Variants in CELF2 observed in about 807,000 individuals in gnomAD.
CELF2 encodes CUG triplet repeat RNA-binding protein 2.
CELF2 carries 8 observed loss-of-function variants against 62.6 expected under a neutral mutation model. That is an observed-to-expected ratio of 0.13 (90% CI 0.07 to 0.23). CELF2 has a LOEUF of 0.23. Among genes scored for constraint, CELF2 ranks in the 10% least tolerant of loss-of-function variants. The probability of loss-of-function intolerance (pLI) is 1.00; values close to 1 mark genes in which losing one functional copy is unlikely to be tolerated. For missense variants in CELF2, 333 were observed against 671.0 expected (o/e 0.50, Z 5.56); for synonymous variants, 258 against 250.0 (o/e 1.03, Z -0.30).
the CELF2 span, among the ~76,000 whole-genome samples, chr10:10,653,283 C>G: frequency 3.3e-5 from 5 of 151,294 alleles, no homozygotes; most frequent in African/African-American, 1.2e-4. Context: ...CTTTAACACC[C>G]CACTGTCAAC....
chr10:10,656,787 G>T, the CELF2 span, among the ~76,000 whole-genome samples: 1 of 141,620 alleles, frequency 7.1e-6, no homozygotes, highest in Non-Finnish European at 1.5e-5. Context: ...CGAGTTAGTG[G>T]GTGCAGCGCA....
chr10:11,232,343 T>C (rs1256508277), intron 3 of CELF2, among the ~76,000 whole-genome samples: 1 of 152,220 alleles, frequency 6.6e-6, no homozygotes, highest in Non-Finnish European at 1.5e-5. Context: ...TGACACATTT[T>C]TGGAGACTCA....
At chr10:11,033,839 A>G (rs1205547295) in intron 1 of CELF2, among the ~76,000 whole-genome samples, 1 of 152,242 alleles carries the variant, frequency 6.6e-6, no homozygotes, top group Non-Finnish European at 1.5e-5. Flanking sequence ...AAGTTGGACA[A>G]CTGAGGAGTT....
intron 1 of CELF2, among the ~76,000 whole-genome samples, chr10:10,881,322 A>G (rs1681069304): frequency 6.6e-6 from 1 of 152,196 alleles, no homozygotes; most frequent in African/African-American, 2.4e-5. Context: ...TAAAATCTGA[A>G]AGCCATCTGG....
chr10:10,703,060 C>T, the CELF2 span, among the ~76,000 whole-genome samples: 21 of 152,316 alleles, frequency 1.4e-4, no homozygotes, highest in East Asian at 3.9e-3. Context: ...CCGCTACCTC[C>T]TCCAGAACCA....
the CELF2 span, among the ~76,000 whole-genome samples, chr10:10,614,968 G>A: frequency 1.3e-5 from 2 of 152,018 alleles, no homozygotes; most frequent in African/African-American, 2.4e-5. Flanking sequence ...TCGACGAAGA[G>A]GCAAGCTCTG....
rs749735937 is a variant in CELF2, at chr10:11,005,453, G to C, written c.53+13G>C. 3.1e-6 allele frequency: 5 copies of C among 1,613,888 alleles called. No individual in the cohort carries two copies. The highest frequency in any genetic ancestry group is 3.3e-4 in the Middle Eastern group (2 of 6,060). The stretch of plus-strand genomic sequence containing the variant: ...AGCTGCTTTTAAGGTATGTTGTTGT[G>C]TCCTTTGTTTTTAATGCACGCTTTT... On this transcript the variant is annotated intron_variant, in intron 1 of 12. Coordinates refer to the CELF2 transcript ENST00000416382. The surrounding 1 kb of genome is among the most constrained non-coding windows in gnomAD (Gnocchi z 4.3).
chr10:10,754,218 C>G, the CELF2 span, among the ~76,000 whole-genome samples: 1 of 151,694 alleles, frequency 6.6e-6, no homozygotes, highest in Admixed American at 6.6e-5. Context: ...AATCACAGCT[C>G]ACTGCAGCCT....
the CELF2 span, among the ~76,000 whole-genome samples, chr10:10,614,869 C>A: frequency 6.6e-6 from 1 of 151,982 alleles, no homozygotes; most frequent in African/African-American, 2.4e-5. Flanking sequence ...GAAACAGACA[C>A]AGGAAAGAGC....
intron 1 of CELF2, among the ~76,000 whole-genome samples, chr10:11,084,248 C>G (rs1043441440): frequency 6.6e-6 from 1 of 152,188 alleles, no homozygotes; most frequent in African/African-American, 2.4e-5. Flanking sequence ...GTGGTGGAAA[C>G]AAACGCAAGT....
At chr10:10,611,245 T>C in the CELF2 span, among the ~76,000 whole-genome samples, 1 of 151,986 alleles carries the variant, frequency 6.6e-6, no homozygotes. Context: ...GCAGGTAAGC[T>C]CCTCTAAGAG....
At chr10:11,063,853 C>T (rs999761362) in intron 1 of CELF2, among the ~76,000 whole-genome samples, 1 of 152,182 alleles carries the variant, frequency 6.6e-6, no homozygotes, top group African/African-American at 2.4e-5. Context: ...AAGTTGGACT[C>T]TCTAAAAGGT....
chr10:10,575,324 A>T, the CELF2 span, among the ~76,000 whole-genome samples: 52 of 152,320 alleles, frequency 3.4e-4, no homozygotes, highest in African/African-American at 1.2e-3. Flanking sequence ...CATGCTTTGC[A>T]TTTAGGTTAT....
intron 1 of CELF2, among the ~76,000 whole-genome samples, chr10:11,118,867 G>C (rs191745074): frequency 4.6e-5 from 7 of 152,306 alleles, no homozygotes; most frequent in African/African-American, 1.7e-4. Flanking sequence ...TTTTGGTCCT[G>C]ACCGATGACT....
rs1415361089 is a variant in CELF2, at chr10:11,242,739, G to C, written c.355-6414G>C. On this transcript the variant is annotated intron_variant, in intron 3 of 12. Transcript: ENST00000633077. This position sits in a 1 kb window ranked among gnomAD's most constrained non-coding sequence, Gnocchi z 4.8. ...TGAGGGGCATCAGGTCCAGTCACAG[G>C]CCAGCCAGGGTGAGGACCAGGGTGG... 6.6e-6 allele frequency among the ~76,000 whole-genome samples: 1 copy of C among 152,214 alleles called. No homozygotes were observed. The highest frequency in any genetic ancestry group is 1.5e-5 in the Non-Finnish European group (1 of 68,032).
chr10:11,049,954 A>G lies in CELF2; in HGVS notation c.74+31791A>G, dbSNP rs116353378. Among the ~76,000 whole-genome samples, 1,157 of 152,228 alleles carry G rather than the reference A, an allele frequency of 7.6e-3. 15 individuals carry two copies. The highest frequency in any genetic ancestry group is 0.027 in the African/African-American group (1,109 of 41,528). ...GTGCATGCTCAGGGGCACCATAAAC[A>G]CTTGCTGCTGGTTCCCCATGCCACC... is the stretch of plus-strand genomic sequence containing the variant. On this transcript the variant is annotated intron_variant, in intron 1 of 12. Coordinates refer to ENST00000633077, the MANE Select transcript of CELF2 (RefSeq NM_001326342.2).
chr10:10,870,996 A>G (rs747184469), intron 1 of CELF2, among the ~76,000 whole-genome samples: 2 of 152,020 alleles, frequency 1.3e-5, no homozygotes, highest in Non-Finnish European at 2.9e-5. Flanking sequence ...CAACTTGCAG[A>G]GAAGAGCAAC....
chr10:11,045,672 G>C (rs1284677974), intron 1 of CELF2, among the ~76,000 whole-genome samples: 1 of 152,174 alleles, frequency 6.6e-6, no homozygotes, highest in Admixed American at 6.5e-5. Flanking sequence ...AGTAGTAAAA[G>C]GGCTATAAGT....
chr10:10,624,128 A>G, the CELF2 span, among the ~76,000 whole-genome samples: 2 of 152,234 alleles, frequency 1.3e-5, no homozygotes, highest in Non-Finnish European at 2.9e-5. Flanking sequence ...TGCACTAGGA[A>G]CAATATTCCC....
Sources: allele counts gnomAD v4.1 joint callset (sites outside exome capture counted in the v4.1 genomes callset), GRCh38; gene constraint gnomAD v4.1.1; non-coding constraint Gnocchi (gnomAD v3.1); transcripts MANE v1.5; gene names NCBI Gene and HGNC (gene_info 2026-07-23, HGNC 2026-07-21).